Variants in BPTF observed in about 807,000 individuals in gnomAD.
BPTF encodes the protein bromodomain PHD finger transcription factor, also known as nucleosome-remodeling factor subunit BPTF.
A neutral mutation model predicts 292.5 loss-of-function variants in BPTF; 18 were observed. That is an observed-to-expected ratio of 0.06 (90% CI 0.04 to 0.09). The LOEUF (loss-of-function observed/expected upper bound fraction) is 0.09. Ranked by LOEUF, BPTF falls within the 10% of genes least tolerant of loss-of-function variation. The pLI, the probability that BPTF is intolerant of heterozygous loss-of-function variation, is 1.00. For missense variants in BPTF, 2,726 were observed against 3,498.7 expected, an observed-to-expected ratio of 0.78 and a Z score of 5.57; for synonymous variants, 1,225 against 1,251.9, an observed-to-expected ratio of 0.98 and a Z score of 0.45.
intron 17 of BPTF, among the ~76,000 whole-genome samples, chr17:67,929,808 G>A (rs2064208322): frequency 1.3e-5 from 2 of 152,126 alleles, no homozygotes; most frequent in Non-Finnish European, 2.9e-5. Flanking sequence ...GTGCAGGCTC[G>A]CTAAGAAATC....
intron 1 of BPTF, among the ~76,000 whole-genome samples, chr17:67,828,031 A>G (rs770270063): frequency 2.7e-5 from 4 of 150,474 alleles, no homozygotes; most frequent in Non-Finnish European, 5.9e-5. Context: ...TTCCAGACTC[A>G]AGCGATTCTC....
At chr17:67,973,884 A>G (rs2051552916) in intron 26 of BPTF, 1 of 151,966 alleles carries the variant, frequency 6.6e-6, no homozygotes, top group Non-Finnish European at 1.5e-5. Flanking sequence ...TATACTAGAT[A>G]CAGTTAAATC....
chr17:67,946,031 A>G lies in BPTF; in HGVS notation c.7323A>G (p.Gln2441=). The part of the protein sequence containing the change: ...QVIAVPQLQQ[Q]VQVLSQIQSQ... ...TTGCTGTGCCTCAGCTGCAACAACA[A>G]GTCCAGGTTCTCTCTCAGATCCAGT... The change falls in exon 21 of 28, where the codon CAA becomes CAG. Residue 2441 remains glutamine (Q), a synonymous_variant. Coordinates refer to ENST00000306378, the MANE Select transcript of BPTF (RefSeq NM_182641.4). 1 of 1,614,158 alleles carries G rather than the reference A, an allele frequency of 6.2e-7. No individual in the cohort carries two copies. The highest frequency in any genetic ancestry group is 1.1e-5 in the South Asian group (1 of 91,080).
chr17:67,904,574 C>T (rs934748344), intron 8 of BPTF, 128 bp from the exon 9 acceptor site: 1 of 666,282 alleles, frequency 1.5e-6, no homozygotes, highest in Non-Finnish European at 2.3e-6. Context: ...TTGGAAAAAC[C>T]TGGGGATGAT....
At position 67,854,872 on chromosome 17, in the gene BPTF, T is replaced by A; in HGVS notation, c.1436+110T>A. The A allele has an allele frequency of 1.4e-6, 1 of 712,994 alleles. No individual in the cohort carries two copies. The highest frequency in any genetic ancestry group is 2.3e-6 in the Non-Finnish European group (1 of 434,866). 44.2% of individuals were successfully genotyped at this position (712,994 alleles called of 1,614,324 possible). A position where few individuals can be genotyped will look rare whatever the true frequency, so the allele number is the denominator to read the frequency against. On this transcript the variant is annotated intron_variant, in intron 2 of 27. Coordinates refer to ENST00000306378, the MANE Select transcript of BPTF (RefSeq NM_182641.4). The surrounding 1 kb of genome is among the most constrained non-coding windows in gnomAD (Gnocchi z 5.6). Reference sequence around the variant, plus strand: ...TGATGTGGTATAAACCTTTGTAACTTAATAGTTATACAGTTAAATAATTTC... The same window carrying A: ...TGATGTGGTATAAACCTTTGTAACTAAATAGTTATACAGTTAAATAATTTC...
chr17:67,960,145 C>A, intron 24 of BPTF: 1 of 322,056 alleles, frequency 3.1e-6, no homozygotes, highest in Non-Finnish European at 5.7e-6. Flanking sequence ...CTTCTTCCCT[C>A]TGAATTAACT....
At chr17:67,859,633 C>A (rs1255526448) in intron 2 of BPTF, among the ~76,000 whole-genome samples, 1 of 152,162 alleles carries the variant, frequency 6.6e-6, no homozygotes. Flanking sequence ...AGTTTTCAAA[C>A]CTTCTTGAGA....
Position 67,891,881 on chromosome 17 carries a change from A to T in BPTF, c.1902A>T (p.Leu634=). Residue 634 remains leucine, a synonymous_variant, in exon 5 of 28, where the codon CTA becomes CTT. Coordinates refer to ENST00000306378, the MANE Select transcript of BPTF (RefSeq NM_182641.4). Reference sequence around the variant, plus strand: ...AATCGGAGAAGTCCAACGGGGAGCTAAGTGAATCTCCTGGAGCTGGAAAAG... The same window carrying T: ...AATCGGAGAAGTCCAACGGGGAGCTTAGTGAATCTCCTGGAGCTGGAAAAG... The part of the protein sequence containing the change: ...DFKSEKSNGE[L]SESPGAGKGA... 1 of 1,609,228 alleles carries T rather than the reference A, an allele frequency of 6.2e-7. No homozygotes were observed. Among genetic ancestry groups the T allele is most frequent in the Non-Finnish European group, 8.5e-7 (1 of 1,178,194 alleles).
intron 8 of BPTF, 133 bp downstream of exon 8, chr17:67,904,051 C>G (rs760658045): frequency 1.2e-6 from 1 of 866,306 alleles, no homozygotes; most frequent in Non-Finnish European, 1.7e-6. Context: ...TATTTTGAGA[C>G]AGAGTCTCGC....
chr17:67,910,847 T>TAA lies in BPTF; in HGVS notation c.2993-29_2993-28insAA, dbSNP rs778828817. On this transcript the variant is annotated intron_variant, in intron 10 of 27. Coordinates refer to ENST00000306378, the MANE Select transcript of BPTF (RefSeq NM_182641.4). The stretch of plus-strand genomic sequence containing the variant: ...AAATTCCTCCTTTCAGAGTAAAAAT[T>TAA]ACATTTATATAAATGTCTTTGTTTC... The TAA allele has an allele frequency of 9.1e-6, 13 of 1,432,262 alleles. No homozygotes were observed. The Middle Eastern group carries it at 5.5e-4, about 61-fold the overall frequency. The allele number at this position is 1,432,262 out of a possible 1,614,324, so 88.7% of individuals were successfully genotyped here. A position where few individuals can be genotyped will look rare whatever the true frequency, so the allele number is the denominator to read the frequency against.
At chr17:67,979,106 G>A (rs1318401880) in intron 27 of BPTF, among the ~76,000 whole-genome samples, 5 of 136,556 alleles carry the variant, frequency 3.7e-5, no homozygotes, top group African/African-American at 1.4e-4. Flanking sequence ...TGAGGTAGAC[G>A]CTGCAGTGAG....
rs146904660 is a variant in BPTF at position 67,966,253 on chromosome 17, C to G, written c.8455-319C>G. 8.6e-4 allele frequency: 216 copies of G among 252,234 alleles called. 2 individuals are homozygous for G. Among genetic ancestry groups the G allele is most frequent in the African/African-American group, 4.6e-3 (202 of 43,728 alleles). The allele number at this position is 252,234 out of a possible 1,614,324, so 15.6% of individuals were successfully genotyped here. Reference sequence around the variant, plus strand: ...GATTCCACACTTTGAACCCATCCCACCTGTTGACAGAAGCGATTGCAATGC... The same window carrying G: ...GATTCCACACTTTGAACCCATCCCAGCTGTTGACAGAAGCGATTGCAATGC... On this transcript the variant is annotated intron_variant, in intron 25 of 27. Transcript: ENST00000306378.
chr17:67,945,556 C>T lies in BPTF; in HGVS notation c.6848C>T (p.Thr2283Ile), dbSNP rs1448535702. 1 of 1,608,046 alleles carries T rather than the reference C, an allele frequency of 6.2e-7. No homozygotes were observed. Among genetic ancestry groups the T allele is most frequent in the Middle Eastern group, 1.7e-4 (1 of 6,058 alleles). The change falls in exon 21 of 28, where the codon ACC (threonine) becomes ATC (isoleucine). Residue 2283 changes from threonine to isoleucine, a missense_variant. Coordinates refer to ENST00000306378, the MANE Select transcript of BPTF (RefSeq NM_182641.4). ...AQPSAQPQPQ[T>I]QPQSPAQPEV... ...CCTTCAGCTCAGCCCCAGCCCCAAA[C>T]CCAGCCCCAGTCCCCAGCTCAGCCT...
intron 2 of BPTF, among the ~76,000 whole-genome samples, chr17:67,858,416 C>T (rs1291398700): frequency 6.6e-6 from 1 of 152,098 alleles, no homozygotes; most frequent in Non-Finnish European, 1.5e-5. Context: ...TAACTGTAAC[C>T]ACATTTTTAA....
chr17:67,940,051 GAATT>G (rs1403856965), intron 18 of BPTF, among the ~76,000 whole-genome samples: 38 of 143,962 alleles, frequency 2.6e-4, no homozygotes, highest in African/African-American at 8.7e-4. Context: ...AAATTCATAT[GAATT>G]AATTTTTTAT....
At position 67,826,264 on chromosome 17, in the gene BPTF, AGAC is replaced by A. The variant is rs554343942; in HGVS notation, c.554_556del (p.Asp185del). 14,002 of 1,613,254 alleles carry A rather than the reference AGAC, an allele frequency of 8.7e-3. 93 individuals are homozygous for A. The highest frequency in any genetic ancestry group is 9.7e-3 in the Non-Finnish European group (11,429 of 1,179,618). On this transcript the variant is annotated inframe_deletion, in exon 1 of 28. Transcript: ENST00000306378. ...ACTCCGATTATCCGGAGGAGATGGAAGACGACGACGACGACGCCAGTTACTGCA... is the reference window on the plus strand; with the variant it reads ...ACTCCGATTATCCGGAGGAGATGGAAGACGACGACGACGCCAGTTACTGCA...
chr17:67,923,925 G>C (rs2063650046), intron 14 of BPTF, among the ~76,000 whole-genome samples: 1 of 151,908 alleles, frequency 6.6e-6, no homozygotes, highest in African/African-American at 2.4e-5. Flanking sequence ...TTGGCTTACT[G>C]CAACCTCCCA....
In BPTF at chr17:67,944,316, C is replaced by A; in HGVS notation, c.6644C>A (p.Ala2215Glu). The change falls in exon 20 of 28, where the codon GCA becomes GAA. Residue 2215 changes from alanine to glutamate, a missense_variant. Ala to Glu is a moderately radical substitution (Grantham distance 107, BLOSUM62 -1). Coordinates refer to ENST00000306378, the MANE Select transcript of BPTF (RefSeq NM_182641.4). ...TVQRFLFTPL[A>E]TTATTASTTT... ...CAGCGATTCCTCTTTACCCCATTGG[C>A]AACAACAGCCACCACAGCCAGCACC... The A allele has an allele frequency of 6.2e-7, 1 of 1,614,090 alleles. No homozygotes were observed.
intron 24 of BPTF, among the ~76,000 whole-genome samples, chr17:67,962,234 C>T (rs1555684518): frequency 1.3e-5 from 2 of 152,172 alleles, no homozygotes; most frequent in African/African-American, 4.8e-5. Flanking sequence ...AGCTTGAGGA[C>T]GACTTCCATT....
Sources: gnomAD v4.1 joint callset for allele counts (sites outside exome capture counted in the v4.1 genomes callset) on GRCh38, gnomAD v4.1.1 for gene constraint, Gnocchi (gnomAD v3.1) non-coding constraint, MANE v1.5 for transcripts, NCBI Gene and HGNC (gene_info 2026-07-23, HGNC 2026-07-21) for gene names.